Variants in ABCA8 observed in about 807,000 individuals in gnomAD.
The protein encoded by ABCA8 is ABC-type organic anion transporter ABCA8.
In ABCA8, 177 loss-of-function variants were observed where a neutral mutation model predicts 192.3. That is an observed-to-expected ratio of 0.92 (90% CI 0.81 to 1.04). The LOEUF (loss-of-function observed/expected upper bound fraction) is 1.04. ABCA8 is among the 50% of genes least tolerant of loss of function. The pLI is 0.00. For missense variants in ABCA8, 1,915 were observed against 1,904.8 expected (o/e 1.01, Z -0.10); for synonymous variants, 642 against 690.2 (o/e 0.93, Z 1.09).
Position 68,921,504 on chromosome 17 carries a change from A to G in ABCA8, c.1502-12T>C. 1 of 1,539,664 alleles carries G rather than the reference A, an allele frequency of 6.5e-7. No individual in the cohort carries two copies. Among genetic ancestry groups the G allele is most frequent in the Non-Finnish European group, 8.9e-7 (1 of 1,120,546 alleles). On this transcript the variant is annotated splice_polypyrimidine_tract_variant and intron_variant, in intron 12 of 39. Coordinates refer to ENST00000586539, the MANE Select transcript of ABCA8 (RefSeq NM_001288985.2). The stretch of plus-strand genomic sequence containing the variant: ...GTCAAATACCAGATCTAGGAAGAAA[A>G]AAAGAAAGGAAAGAAAGATAAGATA...
At chr17:68,922,110 C>T (rs374565152) in intron 12 of ABCA8, 132 bp downstream of exon 12, 4 of 569,322 alleles carry the variant, frequency 7.0e-6, no homozygotes, top group South Asian at 8.0e-5. Context: ...TCTAAAATAC[C>T]ACCACTAATT....
intron 24 of ABCA8, among the ~76,000 whole-genome samples, chr17:68,887,925 T>TCCATATATTATATATGGA: frequency 2.0e-5 from 2 of 101,032 alleles, no homozygotes; most frequent in African/African-American, 8.1e-5. Context: ...TATATATATA[T>TCCATATATTATATATGGA]TATATATGGA....
In ABCA8 at chr17:68,884,402, A is replaced by G; in HGVS notation, c.3550-6T>C. 1.3e-6 allele frequency: 2 copies of G among 1,583,502 alleles called. No homozygotes were observed. Among genetic ancestry groups the G allele is most frequent in the South Asian group, 2.4e-5 (2 of 84,234 alleles). The stretch of plus-strand genomic sequence containing the variant: ...AAGAGAGAAGAAAAGAGAAGCTGCA[A>G]AAGAAAAGACAATTGCTAAACAGGG... On this transcript the variant is annotated splice_region_variant and splice_polypyrimidine_tract_variant and intron_variant, in intron 27 of 39. Coordinates refer to ENST00000586539, the MANE Select transcript of ABCA8 (RefSeq NM_001288985.2).
chr17:68,900,141 A>G (rs1322728617), intron 21 of ABCA8, among the ~76,000 whole-genome samples: 1 of 152,110 alleles, frequency 6.6e-6, no homozygotes, highest in Non-Finnish European at 1.5e-5. Flanking sequence ...TAGAAAAACA[A>G]TAGAGACAGT....
At chr17:68,944,354 A>C in intron 2 of ABCA8, among the ~76,000 whole-genome samples, 1 of 101,686 alleles carries the variant, frequency 9.8e-6, no homozygotes, top group Admixed American at 1.0e-4. Context: ...ATATATATAT[A>C]TATATACACA....
In ABCA8 at chr17:68,894,964, A is replaced by G; in HGVS notation, c.2814T>C (p.Ala938=). 1 of 1,613,668 alleles carries G rather than the reference A, an allele frequency of 6.2e-7. No individual in the cohort carries two copies. The highest frequency in any genetic ancestry group is 8.5e-7 in the Non-Finnish European group (1 of 1,179,776). The change falls in exon 22 of 40, where the codon GCT becomes GCC. Residue 938 remains alanine (A), a synonymous_variant. Transcript: ENST00000586539. ...TAGTTCCAAATGCATCCACTTCTAA[A>G]GCTATGTTCTGGTGCTCCACAGACT... ...FIQSVEHQNI[A]LEVDAFGTRN... is the part of the protein sequence containing the mutation.
At position 68,881,240 on chromosome 17, in the gene ABCA8, T is replaced by A. The variant is rs375341198; in HGVS notation, c.3947-29A>T. 5.7e-5 allele frequency: 81 copies of A among 1,423,044 alleles called. No homozygotes were observed. The African/African-American group carries it at 9.3e-4, about 16-fold the overall frequency. 88.2% of individuals were successfully genotyped at this position (1,423,044 alleles called of 1,614,324 possible). On this transcript the variant is annotated intron_variant, in intron 31 of 39. Transcript: ENST00000586539. Reference sequence around the variant, plus strand: ...AAAAAAAGGTTACACTTAATATTAATCTATTTTAATGGTAACATTAAGAGT... The same window carrying A: ...AAAAAAAGGTTACACTTAATATTAAACTATTTTAATGGTAACATTAAGAGT...
At chr17:68,944,359 T>TATATATATATACAC (rs765731645) in intron 2 of ABCA8, among the ~76,000 whole-genome samples, 173 of 69,306 alleles carry the variant, frequency 2.5e-3, no homozygotes, top group Non-Finnish European at 3.8e-3. Flanking sequence ...TATATATATA[T>TATATATATATACAC]ACACATATAC....
intron 24 of ABCA8, among the ~76,000 whole-genome samples, chr17:68,887,726 A>G (rs182103268): frequency 5.1e-4 from 78 of 151,778 alleles, no homozygotes; most frequent in African/African-American, 1.8e-3. Flanking sequence ...AATATGTAAA[A>G]GAAGACCTTA....
chr17:68,912,044 T>C (rs1476288183), intron 17 of ABCA8, among the ~76,000 whole-genome samples: 1 of 151,998 alleles, frequency 6.6e-6, no homozygotes, highest in African/African-American at 2.4e-5. Flanking sequence ...AACTCCTCAA[T>C]GCCCAGACAC....
intron 24 of ABCA8, among the ~76,000 whole-genome samples, chr17:68,887,934 G>GATATATATATGA (rs1668580784): frequency 3.5e-5 from 2 of 57,722 alleles, no homozygotes; most frequent in East Asian, 1.2e-3. Context: ...ATTATATATG[G>GATATATATATGA]ATATATATAT....
At chr17:68,896,631 G>A (rs981612417) in intron 21 of ABCA8, among the ~76,000 whole-genome samples, 5 of 151,984 alleles carry the variant, frequency 3.3e-5, no homozygotes, top group East Asian at 1.9e-4. Flanking sequence ...TTATCAGATC[G>A]ACTGTCAAGA....
In ABCA8 at chr17:68,885,372, C is replaced by T. The variant is rs573550817; in HGVS notation, c.3430-57G>A. ...CTGAATTTCAATGTAAGTTCCAAAT[C>T]GAGATGGCTCATCTTGAAGATATTA... On this transcript the variant is annotated intron_variant, in intron 26 of 39. Transcript: ENST00000586539. The T allele has an allele frequency of 2.0e-4, 296 of 1,517,314 alleles. 8 individuals are homozygous for T. In the South Asian group the frequency reaches 3.5e-3, roughly 18 times the overall value. The allele number at this position is 1,517,314 out of a possible 1,614,324, so 94.0% of individuals were successfully genotyped here.
chr17:68,887,906 A>ATATATATATATG lies in ABCA8; in HGVS notation c.3145-401_3145-400insCATATATATATA, dbSNP rs370830810. Among the ~76,000 whole-genome samples the ATATATATATATG allele has an allele frequency of 3.1e-3, 187 of 60,872 alleles. 2 individuals carry two copies. The highest frequency in any genetic ancestry group is 0.017 in the African/African-American group (183 of 10,578). 39.9% of individuals were successfully genotyped at this position (60,872 alleles called of 152,430 possible). ...CATATATATATATATATATATATAT[A>ATATATATATATG]TCCATATATATATATATATTATATA... is the stretch of plus-strand genomic sequence containing the variant. On this transcript the variant is annotated intron_variant, in intron 24 of 39. Coordinates refer to ENST00000586539, the MANE Select transcript of ABCA8 (RefSeq NM_001288985.2).
chr17:68,924,771 C>A lies in ABCA8; in HGVS notation c.1372G>T (p.Asp458Tyr). Residue 458 changes from aspartate to tyrosine, a missense_variant, in exon 11 of 40, where the codon GAT becomes TAT. By Grantham distance (160) the Asp-to-Tyr change is radical. Transcript: ENST00000586539. ...GAGTCATGAAATGAAGGATCGGCAT[C>A]CATTTCATCTTCAAGGGCCACGTGA... ...TDHVALEDEMDADPSFHDSFE... is the reference protein window; with the variant it reads ...TDHVALEDEMYADPSFHDSFE... The A allele has an allele frequency of 6.2e-7, 1 of 1,614,074 alleles. No individual in the cohort carries two copies. Among genetic ancestry groups the A allele is most frequent in the Non-Finnish European group, 8.5e-7 (1 of 1,179,974 alleles).
chr17:68,939,760 T>C (rs1288694075), intron 4 of ABCA8, among the ~76,000 whole-genome samples: 1 of 152,136 alleles, frequency 6.6e-6, no homozygotes, highest in Non-Finnish European at 1.5e-5. Flanking sequence ...TTAAGACAGA[T>C]TGAGTTGGGC....
intron 7 of ABCA8, among the ~76,000 whole-genome samples, chr17:68,930,923 T>C (rs114602072): frequency 0.071 from 10,802 of 152,204 alleles, 1,275 homozygotes; most frequent in African/African-American, 0.24. Flanking sequence ...ACCTCCATGC[T>C]CTTTCAGTCA....
At chr17:68,929,365 A>G (rs2067794790) in intron 8 of ABCA8, 131 bp from the exon 9 acceptor site, 2 of 1,044,216 alleles carry the variant, frequency 1.9e-6, no homozygotes, top group South Asian at 1.9e-5. Flanking sequence ...TGTATATAAC[A>G]TACAAAACTA....
chr17:68,946,565 C>T (rs919985379), intron 2 of ABCA8, among the ~76,000 whole-genome samples: 4 of 152,038 alleles, frequency 2.6e-5, no homozygotes, highest in African/African-American at 7.2e-5. Context: ...AGAAGACAGC[C>T]GGCCAAAAGA....
Sources: gnomAD v4.1 joint callset for allele counts (sites outside exome capture counted in the v4.1 genomes callset) on GRCh38, gnomAD v4.1.1 for gene constraint, MANE v1.5 for transcripts, NCBI Gene and HGNC (gene_info 2026-07-23, HGNC 2026-07-21) for gene names.